The following DLEC1 variants were observed in gnomAD, a reference collection of about 807,000 sequenced individuals.
The protein encoded by DLEC1 is DLEC1 cilia and flagella associated protein, also known as deleted in lung and esophageal cancer protein 1.
A neutral mutation model predicts 198.1 loss-of-function variants in DLEC1; 146 were observed. That is an observed-to-expected ratio of 0.74 (90% confidence interval 0.64 to 0.85). The LOEUF is 0.85. Ranked by LOEUF, DLEC1 falls within the 40% of genes least tolerant of loss-of-function variation. The pLI is 0.00. For missense variants in DLEC1, 2,233 were observed against 2,220.0 expected, an observed-to-expected ratio of 1.01 and a Z score of -0.12; for synonymous variants, 897 against 866.8, an observed-to-expected ratio of 1.03 and a Z score of -0.61.
chr3:38,097,550 T>C lies in DLEC1; in HGVS notation c.2478T>C (p.Gly826=), dbSNP rs963219575. 1 of 1,614,082 alleles carries C rather than the reference T, an allele frequency of 6.2e-7. No homozygotes were observed. Among genetic ancestry groups the C allele is most frequent in the Non-Finnish European group, 8.5e-7 (1 of 1,180,002 alleles). ...ATTTTGAGTTGAACTTTACTGGGGG[T>C]GTCCCTGGCCCCACAAGCCAGGACC... The part of the protein sequence containing the change: ...VGDFELNFTG[G]VPGPTSQDLL... Residue 826 remains glycine, a synonymous_variant, in exon 17 of 37, where the codon GGT becomes GGC. Transcript: ENST00000308059.
In DLEC1 at chr3:38,116,832, G is replaced by A; in HGVS notation, c.4122G>A (p.Leu1374=). The change falls in exon 29 of 37, where the codon CTG becomes CTA. Residue 1374 remains leucine (L), a synonymous_variant. Transcript: ENST00000308059. The stretch of plus-strand genomic sequence containing the variant: ...CACAGAAGCTCATCTCAGTCATCCT[G>A]CAGGCACATGAGGGGGTGCCCTCCG... ...RVAQKLISVI[L]QAHEGVPSGH... is the part of the protein sequence containing the mutation. 1 of 1,613,842 alleles carries A rather than the reference G, an allele frequency of 6.2e-7. No homozygotes were observed. Among genetic ancestry groups the A allele is most frequent in the Non-Finnish European group, 8.5e-7 (1 of 1,179,898 alleles).
intron 2 of DLEC1, among the ~76,000 whole-genome samples, chr3:38,047,702 A>C (rs1422583763): frequency 2.0e-5 from 3 of 151,892 alleles, no homozygotes; most frequent in African/African-American, 7.2e-5. Context: ...AGAGCACTTC[A>C]TAGGTGATGC....
intron 18 of DLEC1, among the ~76,000 whole-genome samples, chr3:38,098,270 C>T (rs563803372): frequency 5.3e-4 from 81 of 152,324 alleles, no homozygotes; most frequent in African/African-American, 1.8e-3. Context: ...TCCCCACTCT[C>T]TGGAAGGTTC....
At chr3:38,071,318 G>A (rs1378637767) in intron 6 of DLEC1, among the ~76,000 whole-genome samples, 1 of 152,190 alleles carries the variant, frequency 6.6e-6, no homozygotes, top group Non-Finnish European at 1.5e-5. Context: ...TGCCTAAGGG[G>A]GTTCAGCGCA....
rs1479832174 is a variant in DLEC1 at position 38,122,432 on chromosome 3, G to A, written c.*20G>A. The A allele has an allele frequency of 1.9e-6, 3 of 1,614,034 alleles. No individual in the cohort carries two copies. The highest frequency in any genetic ancestry group is 2.7e-5 in the African/African-American group (2 of 74,940). On this transcript the variant is annotated 3_prime_UTR_variant, in exon 37 of 37. Transcript: ENST00000308059. The stretch of plus-strand genomic sequence containing the variant: ...CCCTGAGGCTCCGCCCCAGCCCTCA[G>A]CCCCAGGCCCCAGCTGGAGAAAAAA...
intron 12 of DLEC1, 102 bp downstream of exon 12, chr3:38,093,869 A>C (rs2125691791): frequency 6.9e-7 from 1 of 1,456,608 alleles, no homozygotes; most frequent in Non-Finnish European, 9.3e-7. Flanking sequence ...CCTGGGGAAG[A>C]CTGGGCACAG....
chr3:38,097,874 C>T lies in DLEC1; in HGVS notation c.2696C>T (p.Pro899Leu), dbSNP rs771491848. ...LPATWRMKES[P>L]VSLQERPEDV... Reference sequence around the variant, plus strand: ...GCCACATGGCGCATGAAGGAGAGCCCAGTCTCCCTCCAGGAAAGGCCTGAG... The same window carrying T: ...GCCACATGGCGCATGAAGGAGAGCCTAGTCTCCCTCCAGGAAAGGCCTGAG... The change falls in exon 18 of 37, where the codon CCA becomes CTA. Residue 899 changes from proline (P) to leucine (L), a missense_variant. Pro to Leu is a moderately conservative substitution (Grantham distance 98). Transcript: ENST00000308059. 3 of 1,614,100 alleles carry T rather than the reference C, an allele frequency of 1.9e-6. No individual in the cohort carries two copies. Among genetic ancestry groups the T allele is most frequent in the African/African-American group, 1.3e-5 (1 of 74,924 alleles).
intron 19 of DLEC1, chr3:38,103,292 G>T (rs1462309175): frequency 1.3e-5 from 2 of 152,210 alleles, no homozygotes; most frequent in Non-Finnish European, 2.9e-5. Context: ...CTGAGCTCTG[G>T]GGCTGGAGCC....
intron 7 of DLEC1, among the ~76,000 whole-genome samples, 174 bp downstream of exon 7, chr3:38,084,419 A>AGTGGTT (rs1381515086): frequency 1.7e-4 from 1 of 5,986 alleles, no homozygotes; most frequent in Non-Finnish European, 3.4e-4. Flanking sequence ...TGGTAGTAGT[A>AGTGGTT]GTGGTAGTAG....
intron 27 of DLEC1, among the ~76,000 whole-genome samples, chr3:38,115,684 C>T (rs567285087): frequency 2.6e-5 from 4 of 152,072 alleles, no homozygotes; most frequent in South Asian, 2.1e-4. Flanking sequence ...AAGATGGGTT[C>T]GATGCAGGCA....
chr3:38,115,066 TGA>T lies in DLEC1; in HGVS notation c.3856+18_3856+19del. On this transcript the variant is annotated intron_variant, in intron 27 of 36. Coordinates refer to ENST00000308059, the MANE Select transcript of DLEC1 (RefSeq NM_007335.4). ...TCCAGCCCCTGTGGTAAGACATGCA[TGA>T]GAGAAGTCAGTGTTCTTGCCACAGG... 1 of 1,613,604 alleles carries T rather than the reference TGA, an allele frequency of 6.2e-7. No individual in the cohort carries two copies.
intron 19 of DLEC1, among the ~76,000 whole-genome samples, chr3:38,103,972 T>C (rs1699436537): frequency 6.6e-6 from 1 of 152,064 alleles, no homozygotes; most frequent in Non-Finnish European, 1.5e-5. Context: ...AGCAAAAAAG[T>C]TTGCAAGACA....
chr3:38,113,291 C>T (rs1699982536), intron 25 of DLEC1, among the ~76,000 whole-genome samples: 1 of 152,178 alleles, frequency 6.6e-6, no homozygotes, highest in South Asian at 2.1e-4. Context: ...CCCCCTTCTC[C>T]ACGTCTGTCA....
At chr3:38,075,920 C>G (rs146764432) in intron 6 of DLEC1, among the ~76,000 whole-genome samples, 11,552 of 152,144 alleles carry the variant, frequency 0.076, 511 homozygotes, top group Non-Finnish European at 0.1. Context: ...GGACTTGCCA[C>G]TAAGGGTGAA....
chr3:38,090,512 G>A (rs1698688275), intron 10 of DLEC1, among the ~76,000 whole-genome samples: 1 of 152,172 alleles, frequency 6.6e-6, no homozygotes, highest in Admixed American at 6.5e-5. Flanking sequence ...CCATAATTTA[G>A]TTCAGCAGTC....
rs755377750 is a variant in DLEC1 at position 38,062,284 on chromosome 3, C to A, written c.789C>A (p.Phe263Leu). Reference protein sequence around the residue: ...EDSCRKKLAEFEDELDHTVDS... With the variant: ...EDSCRKKLAELEDELDHTVDS... ...CATGCAGGAAGAAGCTTGCTGAGTT[C>A]GAAGATGAGTTAGACCACACTGTGG... The change falls in exon 4 of 37, where the codon TTC becomes TTA. Residue 263 changes from phenylalanine to leucine, a missense_variant. Coordinates refer to ENST00000308059, the MANE Select transcript of DLEC1 (RefSeq NM_007335.4). 6.2e-7 allele frequency: 1 copy of A among 1,614,104 alleles called. No homozygotes were observed.
intron 6 of DLEC1, among the ~76,000 whole-genome samples, chr3:38,070,261 A>G (rs1697244365): frequency 6.6e-6 from 1 of 152,190 alleles, no homozygotes; most frequent in African/African-American, 2.4e-5. Flanking sequence ...CTTTGTGTCC[A>G]TGGGAAGAAT....
intron 19 of DLEC1, among the ~76,000 whole-genome samples, chr3:38,106,191 A>T (rs1459932859): frequency 1.3e-5 from 2 of 152,260 alleles, no homozygotes; most frequent in Non-Finnish European, 2.9e-5. Context: ...ATAGAAAAGT[A>T]AGCAAAAATA....
chr3:38,120,726 C>T, intron 34 of DLEC1, 117 bp downstream of exon 34: 2 of 1,380,280 alleles, frequency 1.4e-6, no homozygotes, highest in Non-Finnish European at 2.0e-6. Flanking sequence ...GCCCCTGCCC[C>T]TGTCCTGGGG....
Sources: gnomAD v4.1 joint callset for allele counts (sites outside exome capture counted in the v4.1 genomes callset) on GRCh38, gnomAD v4.1.1 for gene constraint, MANE v1.5 for transcripts, NCBI Gene and HGNC (gene_info 2026-07-23, HGNC 2026-07-21) for gene names.